Variants in FGF13 observed in about 807,000 individuals in gnomAD.
FGF13 encodes the protein fibroblast growth factor homologous factor 2.
In FGF13, 2 loss-of-function variants were observed where a neutral mutation model predicts 19.5. The ratio of observed to expected loss-of-function variants is 0.10; its 90% CI spans 0.04 to 0.32. The LOEUF (loss-of-function observed/expected upper bound fraction) is 0.32, where lower values mean the gene tolerates loss of function less well. Among genes scored for constraint, FGF13 ranks in the 10% least tolerant of loss-of-function variants. The pLI is 1.00. For synonymous variants in FGF13, 72 were observed against 76.9 expected (o/e 0.94, Z 0.33); for missense variants, 113 against 192.7 (o/e 0.59, Z 2.45).
chrX:138,697,458 G>A (rs933262925), intron 3 of FGF13, among the ~76,000 whole-genome samples: 2 of 109,567 alleles, frequency 1.8e-5, no homozygotes, highest in African/African-American at 6.6e-5. Flanking sequence ...CTGCTTTCTG[G>A]TCTTGCATCT....
intron 1 of FGF13, among the ~76,000 whole-genome samples, chrX:139,136,192 GT>G (rs1298274527): frequency 9.0e-6 from 1 of 110,863 alleles, no homozygotes; most frequent in Non-Finnish European, 1.9e-5. Flanking sequence ...TATGAGTGTT[GT>G]TTTTTCAATA....
intron 1 of FGF13, among the ~76,000 whole-genome samples, chrX:138,937,748 CA>C (rs2091738953): frequency 9.0e-6 from 1 of 111,576 alleles, no homozygotes; most frequent in Non-Finnish European, 1.9e-5. Flanking sequence ...AATTTAGAAA[CA>C]AAAAATCGAA....
At chrX:138,967,203 T>G (rs1266679402) in intron 1 of FGF13, among the ~76,000 whole-genome samples, 1 of 110,488 alleles carries the variant, frequency 9.1e-6, no homozygotes, top group African/African-American at 3.3e-5. Context: ...TTTTCTTTTA[T>G]ATTTAACTCT....
chrX:138,742,281 T>C (rs1268166047), upstream of FGF13, among the ~76,000 whole-genome samples: 1 of 112,053 alleles, frequency 8.9e-6, no homozygotes, highest in African/African-American at 3.2e-5. Flanking sequence ...GTGAATACAC[T>C]AGATGTTTGA....
Position 138,622,822 on chromosome X carries a change from C to T in FGF13, c.*10028G>A, listed in dbSNP as rs745465750. ...TTTTTTTTTATTTCTGTAAAAGATT[C>T]GATTAAGATTTTGATAGGGCTTGCA... On this transcript the variant is annotated 3_prime_UTR_variant, in exon 5 of 5. Transcript: ENST00000315930. The T allele has an allele frequency of 1.8e-5, 2 of 111,198 alleles. No individual in the cohort carries two copies. Among genetic ancestry groups the T allele is most frequent in the Non-Finnish European group, 3.8e-5 (2 of 52,944 alleles). The allele number at this position is 111,198 out of a possible 1,213,427, so 9.2% of individuals were successfully genotyped here.
Position 139,088,955 on chromosome X carries a change from G to A in FGF13, c.-113+114461C>T, listed in dbSNP as rs141152739. Among the ~76,000 whole-genome samples the A allele has an allele frequency of 4.2e-3, 476 of 112,221 alleles. 3 individuals carry two copies. The highest frequency in any genetic ancestry group is 0.015 in the African/African-American group (451 of 30,884). The stretch of plus-strand genomic sequence containing the variant: ...GACACAGTGAGAAGGCACCATCTAT[G>A]AGCCAGAAAGTGGGGTCTCACCAGA... On this transcript the variant is annotated intron_variant, in intron 1 of 2. Coordinates refer to the FGF13 transcript ENST00000421460.
At chrX:139,154,899 T>A (rs1285937460) in intron 1 of FGF13, among the ~76,000 whole-genome samples, 2 of 111,973 alleles carry the variant, frequency 1.8e-5, no homozygotes, top group East Asian at 2.8e-4. Flanking sequence ...TAAGGATTTT[T>A]AAAAAAATAT....
chrX:139,110,393 G>T (rs2083592620), intron 1 of FGF13, among the ~76,000 whole-genome samples: 1 of 110,336 alleles, frequency 9.1e-6, no homozygotes, highest in South Asian at 4.0e-4. Context: ...CCCGGTGGAA[G>T]ATAATTGAAT....
At chrX:139,032,447 C>T (rs753584354) in intron 1 of FGF13, among the ~76,000 whole-genome samples, 2 of 111,497 alleles carry the variant, frequency 1.8e-5, no homozygotes, top group Non-Finnish European at 3.8e-5. Flanking sequence ...TCACTGAGAA[C>T]CCATTTATCT....
chrX:138,627,839 T>C lies in FGF13; in HGVS notation c.*5011A>G, dbSNP rs1349150256. 9.0e-6 allele frequency: 1 copy of C among 110,795 alleles called. No homozygotes were observed. The highest frequency in any genetic ancestry group is 2.8e-4 in the East Asian group (1 of 3,554). 9.1% of individuals were successfully genotyped at this position (110,795 alleles called of 1,213,427 possible). A position where few individuals can be genotyped will look rare whatever the true frequency, so the allele number is the denominator to read the frequency against. ...ACAAACTTCTTCCAGTATGCCCACA[T>C]AGAAATTGGAAAATCCCCAAAATGA... On this transcript the variant is annotated 3_prime_UTR_variant, in exon 5 of 5. Coordinates refer to ENST00000315930, the MANE Select transcript of FGF13 (RefSeq NM_004114.5).
chrX:139,063,444 A>G (rs1287215200), intron 1 of FGF13, among the ~76,000 whole-genome samples: 1 of 111,609 alleles, frequency 9.0e-6, no homozygotes, highest in Non-Finnish European at 1.9e-5. Context: ...AATAGTGGTG[A>G]GAGGTTTTCT....
intron 1 of FGF13, among the ~76,000 whole-genome samples, chrX:138,874,187 A>T (rs946255362): frequency 5.9e-5 from 5 of 84,177 alleles, no homozygotes; most frequent in African/African-American, 2.3e-4. Flanking sequence ...AAGTAAAATT[A>T]AAAAAAAAAA....
intron 1 of FGF13, among the ~76,000 whole-genome samples, chrX:139,013,798 G>A (rs1206826322): frequency 9.2e-6 from 1 of 108,503 alleles, no homozygotes; most frequent in Non-Finnish European, 1.9e-5. Flanking sequence ...CGGGTGATGG[G>A]TGCACCAAAA....
chrX:138,852,502 A>T (rs2091229586), intron 3 of FGF13, among the ~76,000 whole-genome samples: 2 of 111,937 alleles, frequency 1.8e-5, no homozygotes, highest in Admixed American at 1.9e-4. Context: ...GGCTAGCCAT[A>T]TGCAGAAAAT....
chrX:138,966,416 T>A (rs2091895313), intron 1 of FGF13, among the ~76,000 whole-genome samples: 1 of 111,960 alleles, frequency 8.9e-6, no homozygotes, highest in Non-Finnish European at 1.9e-5. Flanking sequence ...ATAACCTGGA[T>A]GTGAGATGAG....
At chrX:139,117,374 A>T (rs1209291920) in intron 1 of FGF13, among the ~76,000 whole-genome samples, 1 of 111,428 alleles carries the variant, frequency 9.0e-6, no homozygotes, top group African/African-American at 3.3e-5. Context: ...ACTTTATGGT[A>T]CAGAGGAGAT....
chrX:139,159,145 C>T (rs1170246803), intron 1 of FGF13, among the ~76,000 whole-genome samples: 1 of 112,211 alleles, frequency 8.9e-6, no homozygotes, highest in Non-Finnish European at 1.9e-5. Flanking sequence ...AGAAACCCTA[C>T]AAGCCAGAAG....
chrX:139,184,892 GA>G (rs1292691257), intron 1 of FGF13, among the ~76,000 whole-genome samples: 1 of 111,994 alleles, frequency 8.9e-6, no homozygotes, highest in Non-Finnish European at 1.9e-5. Context: ...ATTCATTTCT[GA>G]CTTAACATGG....
At chrX:138,729,861 GA>G (rs963965223) in intron 1 of FGF13, among the ~76,000 whole-genome samples, 7 of 110,915 alleles carry the variant, frequency 6.3e-5, no homozygotes, top group Non-Finnish European at 9.5e-5. Flanking sequence ...AACAATGAGG[GA>G]AAGAAGACAA....
Sources: gnomAD v4.1 joint callset for allele counts (sites outside exome capture counted in the v4.1 genomes callset) on GRCh38, gnomAD v4.1.1 for gene constraint, MANE v1.5 for transcripts, NCBI Gene and HGNC (gene_info 2026-07-23, HGNC 2026-07-21) for gene names.